MAP2K1: variants seen among roughly 807,000 people sequenced by gnomAD.
The protein encoded by MAP2K1 is dual specificity mitogen-activated protein kinase kinase 1.
MAP2K1 carries 16 observed loss-of-function variants against 46.3 expected under a neutral mutation model. The ratio of observed to expected loss-of-function variants is 0.35; its 90% confidence interval spans 0.23 to 0.52. MAP2K1 has a LOEUF of 0.52. Among genes scored for constraint, MAP2K1 ranks in the 20% least tolerant of loss-of-function variants. The pLI is 0.94. For synonymous variants in MAP2K1, 183 were observed against 185.6 expected (o/e 0.99, Z 0.11); for missense variants, 263 against 497.1 (o/e 0.53, Z 4.48).
At chr15:66,428,007 C>T (rs1050287868) in intron 1 of MAP2K1, among the ~76,000 whole-genome samples, 1 of 152,080 alleles carries the variant, frequency 6.6e-6, no homozygotes, top group South Asian at 2.1e-4. Flanking sequence ...GGGCAAGACT[C>T]TGTCTCCAAA....
chr15:66,387,262 C>T lies in MAP2K1; in HGVS notation c.-86C>T. Reference sequence around the variant, plus strand: ...GGCCCGCGGCCCGGACTTGGTCCTGCGCAGCGGGCGCGGGGCAGCGCAGCG... The same window carrying T: ...GGCCCGCGGCCCGGACTTGGTCCTGTGCAGCGGGCGCGGGGCAGCGCAGCG... On this transcript the variant is annotated 5_prime_UTR_variant, in exon 1 of 11. Coordinates refer to ENST00000307102, the MANE Select transcript of MAP2K1 (RefSeq NM_002755.4). 2 of 1,232,286 alleles carry T rather than the reference C, an allele frequency of 1.6e-6. No individual in the cohort carries two copies. Among genetic ancestry groups the T allele is most frequent in the Non-Finnish European group, 2.3e-6 (2 of 862,476 alleles). 76.3% of individuals were successfully genotyped at this position (1,232,286 alleles called of 1,614,324 possible). A position where few individuals can be genotyped will look rare whatever the true frequency, so the allele number is the denominator to read the frequency against.
intron 7 of MAP2K1, among the ~76,000 whole-genome samples, chr15:66,486,057 CCTGA>C (rs756359051): frequency 2.7e-4 from 41 of 152,066 alleles, no homozygotes; most frequent in South Asian, 6.2e-4. Flanking sequence ...CGCCACCATG[CCTGA>C]CTAATTTTTT....
chr15:66,443,082 ATTTTTTTTTTTT>A (rs398027713), intron 3 of MAP2K1, among the ~76,000 whole-genome samples, 186 bp from the exon 4 acceptor site: 2 of 91,060 alleles, frequency 2.2e-5, no homozygotes, highest in South Asian at 8.1e-4. Flanking sequence ...TTGTGTGTGT[ATTTTTTTTTTTT>A]TTTTTTTTTT....
intron 1 of MAP2K1, among the ~76,000 whole-genome samples, chr15:66,420,807 A>ATATATATATGTG (rs1567003137): frequency 3.9e-4 from 39 of 99,296 alleles, no homozygotes; most frequent in African/African-American, 1.3e-3. Context: ...ATATATGTGT[A>ATATATATATGTG]TATATATGTG....
intron 2 of MAP2K1, among the ~76,000 whole-genome samples, chr15:66,435,594 C>G (rs1037910285): frequency 6.6e-6 from 1 of 152,136 alleles, no homozygotes; most frequent in Non-Finnish European, 1.5e-5. Context: ...CCACAAAGTG[C>G]TGGGATTACA....
At chr15:66,387,479 C>T (rs1381687015) in intron 1 of MAP2K1, 52 bp downstream of exon 1, 1 of 1,524,122 alleles carries the variant, frequency 6.6e-7, no homozygotes, top group Admixed American at 2.0e-5. Context: ...GAGGCCCGAG[C>T]CGGGGAGCAG....
chr15:66,417,097 CA>C (rs1325087866), intron 1 of MAP2K1, among the ~76,000 whole-genome samples: 1 of 152,124 alleles, frequency 6.6e-6, no homozygotes, highest in Non-Finnish European at 1.5e-5. Flanking sequence ...ATTGTTAGCC[CA>C]AAGACTTATT....
At chr15:66,392,521 T>C (rs1344569146) in intron 1 of MAP2K1, among the ~76,000 whole-genome samples, 3 of 151,290 alleles carry the variant, frequency 2.0e-5, no homozygotes, top group African/African-American at 7.3e-5. Flanking sequence ...CCCTAAATTT[T>C]ATATCAGTTT....
chr15:66,454,773 C>T (rs1031030820), intron 5 of MAP2K1, among the ~76,000 whole-genome samples: 1 of 151,932 alleles, frequency 6.6e-6, no homozygotes, highest in Non-Finnish European at 1.5e-5. Flanking sequence ...ATCCCAGCTG[C>T]TCGGGAGGCT....
chr15:66,463,030 A>G (rs1345631546), intron 5 of MAP2K1, among the ~76,000 whole-genome samples: 1 of 152,184 alleles, frequency 6.6e-6, no homozygotes, highest in Admixed American at 6.5e-5. Flanking sequence ...ACCAGTGTGT[A>G]TCAAGTCCAT....
At chr15:66,415,830 ATATT>A (rs1276385957) in intron 1 of MAP2K1, among the ~76,000 whole-genome samples, 15 of 152,376 alleles carry the variant, frequency 9.8e-5, no homozygotes, top group African/African-American at 3.1e-4. Flanking sequence ...AGAAGTGTAT[ATATT>A]CTACAGTGTT....
At chr15:66,392,852 C>T (rs1316704869) in intron 1 of MAP2K1, among the ~76,000 whole-genome samples, 1 of 152,146 alleles carries the variant, frequency 6.6e-6, no homozygotes, top group African/African-American at 2.4e-5. Context: ...CATGCCTGGC[C>T]TTAGTTTCTT....
chr15:66,416,890 C>T (rs2093425883), intron 1 of MAP2K1, among the ~76,000 whole-genome samples: 1 of 152,196 alleles, frequency 6.6e-6, no homozygotes. Flanking sequence ...TCCTTTCCTT[C>T]TGCTCTTGCT....
At chr15:66,466,145 T>G (rs565282380) in intron 5 of MAP2K1, among the ~76,000 whole-genome samples, 3 of 152,314 alleles carry the variant, frequency 2.0e-5, no homozygotes, top group African/African-American at 7.2e-5. Flanking sequence ...TTTATTGGCT[T>G]TATAAATCAA....
intron 1 of MAP2K1, among the ~76,000 whole-genome samples, chr15:66,420,610 A>G (rs1265890821): frequency 6.7e-6 from 1 of 150,142 alleles, no homozygotes; most frequent in Non-Finnish European, 1.5e-5. Flanking sequence ...AAAGGTAAAT[A>G]AATTTACCTT....
Position 66,484,977 on chromosome 15 carries a change from G to C in MAP2K1, c.694-13G>C, listed in dbSNP as rs1567025785. The C allele has an allele frequency of 6.2e-7, 1 of 1,610,894 alleles. No individual in the cohort carries two copies. ...TTAGGTTAGGTGATTATCACTGTCT[G>C]TCTCTCCTGCAGCCAGAAAGACTCC... On this transcript the variant is annotated splice_polypyrimidine_tract_variant and intron_variant, in intron 6 of 10. Transcript: ENST00000307102.
intron 1 of MAP2K1, among the ~76,000 whole-genome samples, chr15:66,421,061 T>TACACAC (rs542133130): frequency 1.1e-4 from 15 of 140,948 alleles, no homozygotes; most frequent in Non-Finnish European, 2.3e-4. Flanking sequence ...TGTACACACA[T>TACACAC]ACACACACAC....
chr15:66,402,313 G>A (rs951895579), intron 1 of MAP2K1, among the ~76,000 whole-genome samples: 6 of 151,994 alleles, frequency 3.9e-5, no homozygotes, highest in African/African-American at 4.8e-5. Context: ...TAATATGCTC[G>A]GTATGAGGTG....
chr15:66,448,166 A>G (rs201892798), intron 5 of MAP2K1, among the ~76,000 whole-genome samples: 10 of 151,054 alleles, frequency 6.6e-5, no homozygotes, highest in Non-Finnish European at 1.3e-4. Context: ...AAAAAAAAAA[A>G]AAAAAAACCC....
Sources: allele counts gnomAD v4.1 joint callset (sites outside exome capture counted in the v4.1 genomes callset), GRCh38; gene constraint gnomAD v4.1.1; transcripts MANE v1.5; gene names NCBI Gene and HGNC (gene_info 2026-07-23, HGNC 2026-07-21).